SNTG1: variants seen among roughly 807,000 people sequenced by gnomAD.
The protein encoded by SNTG1 is gamma-1-syntrophin.
SNTG1 carries 39 observed loss-of-function variants against 74.7 expected under a neutral mutation model. The ratio of observed to expected loss-of-function variants is 0.52; its 90% CI spans 0.40 to 0.68. The LOEUF (loss-of-function observed/expected upper bound fraction) is 0.68, where lower values mean the gene tolerates loss of function less well. Ranked by LOEUF, SNTG1 falls within the 30% of genes least tolerant of loss-of-function variation. SNTG1 has a pLI of 0.00. For missense variants in SNTG1, 685 were observed against 609.5 expected (o/e 1.12, Z -1.30); for synonymous variants, 254 against 217.1 (o/e 1.17, Z -1.49).
chr8:50,753,949 C>T (rs2095573858), intron 18 of SNTG1, among the ~76,000 whole-genome samples: 1 of 151,848 alleles, frequency 6.6e-6, no homozygotes, highest in South Asian at 2.1e-4. Flanking sequence ...ATTTAAACAA[C>T]AATAATGCTA....
chr8:50,747,355 T>C (rs1330642171), intron 17 of SNTG1, among the ~76,000 whole-genome samples: 2 of 151,984 alleles, frequency 1.3e-5, no homozygotes, highest in African/African-American at 4.8e-5. Flanking sequence ...TTAAACTTTT[T>C]CTTGAGCGTG....
chr8:50,130,164 G>T (rs2131397030), intron 1 of SNTG1, among the ~76,000 whole-genome samples: 1 of 152,254 alleles, frequency 6.6e-6, no homozygotes, highest in Non-Finnish European at 1.5e-5. Context: ...CATATCTTTA[G>T]TTACAGCTAT....
intron 17 of SNTG1, among the ~76,000 whole-genome samples, chr8:50,726,779 G>A (rs2095501313): frequency 6.6e-6 from 1 of 152,166 alleles, no homozygotes; most frequent in Admixed American, 6.5e-5. Context: ...AAACCAGGAG[G>A]TGGAGCTTGC....
chr8:50,492,989 G>A (rs201960136), intron 8 of SNTG1, among the ~76,000 whole-genome samples: 49 of 151,978 alleles, frequency 3.2e-4, no homozygotes, highest in Non-Finnish European at 5.4e-4. Flanking sequence ...GGAACAGAAC[G>A]GAGGCCTCAG....
intron 1 of SNTG1, among the ~76,000 whole-genome samples, chr8:50,139,655 G>A (rs1179879820): frequency 6.6e-6 from 1 of 152,222 alleles, no homozygotes; most frequent in African/African-American, 2.4e-5. Context: ...TACTCTGGGA[G>A]ATTGAGCAAG....
At chr8:50,400,774 A>G (rs967248574) in intron 3 of SNTG1, among the ~76,000 whole-genome samples, 1 of 152,110 alleles carries the variant, frequency 6.6e-6, no homozygotes, top group African/African-American at 2.4e-5. Context: ...TGAGAGTAGA[A>G]TAGTGGTTAC....
At chr8:50,020,644 T>G (rs986452776) in intron 1 of SNTG1, among the ~76,000 whole-genome samples, 1 of 152,138 alleles carries the variant, frequency 6.6e-6, no homozygotes, top group Non-Finnish European at 1.5e-5. Context: ...CACATCTTTT[T>G]ACAAAGGGGC....
chr8:50,164,733 A>C (rs2131613768), intron 1 of SNTG1, among the ~76,000 whole-genome samples: 1 of 152,334 alleles, frequency 6.6e-6, no homozygotes, highest in Non-Finnish European at 1.5e-5. Context: ...GTAACTCTTC[A>C]AAATATGCAA....
chr8:50,151,118 C>G (rs993045574), intron 1 of SNTG1, among the ~76,000 whole-genome samples: 1 of 152,146 alleles, frequency 6.6e-6, no homozygotes, highest in Non-Finnish European at 1.5e-5. Context: ...AGGGATTCAA[C>G]TTCTTCCTGG....
chr8:50,336,757 A>G (rs1432340319), intron 2 of SNTG1, among the ~76,000 whole-genome samples: 5 of 152,160 alleles, frequency 3.3e-5, no homozygotes, highest in African/African-American at 9.7e-5. Context: ...ATAATAACTC[A>G]TGCTTATCTT....
intron 15 of SNTG1, among the ~76,000 whole-genome samples, chr8:50,691,606 G>A (rs998323864): frequency 2.2e-4 from 33 of 152,288 alleles, no homozygotes; most frequent in African/African-American, 7.5e-4. Flanking sequence ...TAGAGTTTCT[G>A]CCGAGAGATC....
chr8:50,605,467 C>T (rs1023699119), intron 13 of SNTG1, among the ~76,000 whole-genome samples: 5 of 152,164 alleles, frequency 3.3e-5, no homozygotes, highest in Non-Finnish European at 5.9e-5. Context: ...AATGCTCCTT[C>T]CATGGGCAGG....
At chr8:50,504,637 C>T (rs1286784051) in intron 9 of SNTG1, among the ~76,000 whole-genome samples, 1 of 151,686 alleles carries the variant, frequency 6.6e-6, no homozygotes. Context: ...ACCAAAAATA[C>T]AAAAAAACCC....
intron 1 of SNTG1, among the ~76,000 whole-genome samples, chr8:50,104,724 A>C (rs1320459395): frequency 2.0e-5 from 3 of 152,044 alleles, no homozygotes; most frequent in Non-Finnish European, 4.4e-5. Flanking sequence ...CCCTCTACAC[A>C]CTGCTTTGAA....
At chr8:50,099,946 G>A (rs941013311) in intron 1 of SNTG1, among the ~76,000 whole-genome samples, 2 of 151,970 alleles carry the variant, frequency 1.3e-5, no homozygotes, top group Non-Finnish European at 2.9e-5. Context: ...TTTTCACTGT[G>A]TTGTTGATTC....
rs142159914 is a variant in SNTG1 at position 50,435,851 on chromosome 8, A to C, written c.163-2692A>C. Reference sequence around the variant, plus strand: ...TTAGTCTCTCCAAAATCTTTTCTGCATCAGCAGTTTTGTATTTGATTTGGA... The same window carrying C: ...TTAGTCTCTCCAAAATCTTTTCTGCCTCAGCAGTTTTGTATTTGATTTGGA... On this transcript the variant is annotated intron_variant, in intron 4 of 18. Coordinates refer to ENST00000642720, the MANE Select transcript of SNTG1 (RefSeq NM_018967.5). Among the ~76,000 whole-genome samples the C allele has an allele frequency of 1.5e-4, 23 of 152,272 alleles. No homozygotes were observed. The East Asian group carries it at 4.3e-3, about 28-fold the overall frequency.
chr8:50,185,571 C>T (rs2083349422), intron 2 of SNTG1, among the ~76,000 whole-genome samples: 1 of 152,140 alleles, frequency 6.6e-6, no homozygotes, highest in Non-Finnish European at 1.5e-5. Flanking sequence ...ATAGACCATA[C>T]TGCTATGATA....
chr8:50,123,776 G>T (rs2081064780), intron 1 of SNTG1, among the ~76,000 whole-genome samples: 2 of 142,150 alleles, frequency 1.4e-5, no homozygotes, highest in Admixed American at 1.4e-4. Flanking sequence ...ACAAATAGCT[G>T]TGTAACCTAC....
intron 13 of SNTG1, among the ~76,000 whole-genome samples, chr8:50,650,272 T>G (rs2095136719): frequency 6.6e-6 from 1 of 152,082 alleles, no homozygotes; most frequent in African/African-American, 2.4e-5. Context: ...TTCATTTGGT[T>G]CAGATTGTGA....
Sources: allele counts gnomAD v4.1 joint callset (sites outside exome capture counted in the v4.1 genomes callset), GRCh38; gene constraint gnomAD v4.1.1; transcripts MANE v1.5; gene names NCBI Gene and HGNC (gene_info 2026-07-23, HGNC 2026-07-21).